The following DRAP1 variants were observed in gnomAD, a reference collection of about 807,000 sequenced individuals.
DRAP1 encodes the protein dr1-associated corepressor.
A neutral mutation model predicts 24.1 loss-of-function variants in DRAP1; 10 were observed. The ratio of observed to expected loss-of-function variants is 0.41; its 90% confidence interval spans 0.26 to 0.70. DRAP1 has a LOEUF of 0.70. Among genes scored for constraint, DRAP1 ranks in the 30% least tolerant of loss-of-function variants. DRAP1 has a pLI of 0.29. For missense variants in DRAP1, 264 were observed against 275.6 expected, an observed-to-expected ratio of 0.96 and a Z score of 0.30; for synonymous variants, 122 against 113.8, an observed-to-expected ratio of 1.07 and a Z score of -0.46.
In DRAP1 at chr11:65,919,936, G is replaced by T. The variant is rs774738852; in HGVS notation, c.116-12G>T. On this transcript the variant is annotated splice_polypyrimidine_tract_variant and intron_variant, in intron 2 of 6. Coordinates refer to ENST00000312515, the MANE Select transcript of DRAP1 (RefSeq NM_006442.4). ...CCTCTCCTGCCCCGGAGTTCTCCTT[G>T]ACGCTCCTCAGCCCGGGCGCTCGAG... 1 of 1,613,666 alleles carries T rather than the reference G, an allele frequency of 6.2e-7. No individual in the cohort carries two copies. The highest frequency in any genetic ancestry group is 1.3e-5 in the African/African-American group (1 of 74,942).
Position 65,920,963 on chromosome 11 carries a change from A to C in DRAP1, c.503A>C (p.His168Pro), listed in dbSNP as rs10143. 1.1e-4 allele frequency: 181 copies of C among 1,609,810 alleles called. No individual in the cohort carries two copies. The highest frequency in any genetic ancestry group is 1.5e-4 in the Non-Finnish European group (178 of 1,177,832). ...CCCCAGGCCAGCCACCCCTCTGCCC[A>C]CTTTCAGAGGTGAGCAGCCCAGAGG... is the stretch of plus-strand genomic sequence containing the variant. ...PPPQASHPSA[H>P]FQSPPTPFLP... Residue 168 changes from histidine (H) to proline (P), a missense_variant, in exon 6 of 7, where the codon CAC (histidine) becomes CCC (proline). His to Pro is a moderately conservative substitution (Grantham distance 77). This residue lies in a region of DRAP1 where 243 missense variants were observed against 233.6 expected (regional missense o/e 1.04). Coordinates refer to ENST00000312515, the MANE Select transcript of DRAP1 (RefSeq NM_006442.4).
chr11:65,920,919 G>T lies in DRAP1; in HGVS notation c.459G>T (p.Glu153Asp). The T allele has an allele frequency of 1.9e-6, 3 of 1,613,536 alleles. No individual in the cohort carries two copies. Among genetic ancestry groups the T allele is most frequent in the Non-Finnish European group, 2.5e-6 (3 of 1,179,728 alleles). The change falls in exon 6 of 7, where the codon GAG becomes GAT. Residue 153 changes from glutamate (E) to aspartate (D), a missense_variant. Coordinates refer to ENST00000312515, the MANE Select transcript of DRAP1 (RefSeq NM_006442.4). The part of the protein sequence containing the change: ...ESEDTDTDGE[E>D]ETSQPPPQAS... The stretch of plus-strand genomic sequence containing the variant: ...AGGACACAGATACTGATGGGGAAGA[G>T]GAGACATCACAACCCCCACCCCAGG...
In DRAP1 at chr11:65,920,953, C is replaced by T. The variant is rs1486498200; in HGVS notation, c.493C>T (p.Pro165Ser). Residue 165 changes from proline (P) to serine (S), a missense_variant, in exon 6 of 7, where the codon CCC becomes TCC. By Grantham distance (74) the Pro-to-Ser change is moderately conservative. Transcript: ENST00000312515. ...ACAACCCCCACCCCAGGCCAGCCAC[C>T]CCTCTGCCCACTTTCAGAGGTGAGC... ...TSQPPPQASH[P>S]SAHFQSPPTP... 13 of 1,611,982 alleles carry T rather than the reference C, an allele frequency of 8.1e-6. No homozygotes were observed. The highest frequency in any genetic ancestry group is 1.1e-5 in the South Asian group (1 of 90,808).
In DRAP1 at chr11:65,919,771, C is replaced by G. The variant is rs12576319; in HGVS notation, c.43-9C>G. On this transcript the variant is annotated splice_polypyrimidine_tract_variant and intron_variant, in intron 1 of 6. Transcript: ENST00000312515. ...CGACGGGGTCTGAACTCTGCTCCCC[C>G]ACCCGCAGGCGCGGATCAAGAAGAT... 1.9e-6 allele frequency: 3 copies of G among 1,613,004 alleles called. No homozygotes were observed. Among genetic ancestry groups the G allele is most frequent in the Non-Finnish European group, 2.5e-6 (3 of 1,179,942 alleles).
At chr11:65,920,828 C>G in intron 5 of DRAP1, 56 bp from the exon 6 acceptor site, 2 of 1,546,672 alleles carry the variant, frequency 1.3e-6, no homozygotes, top group Non-Finnish European at 1.8e-6. Context: ...CCCTGCCACT[C>G]CCAGTGATGG....
At position 65,920,455 on chromosome 11, in the gene DRAP1, G is replaced by A. The variant is rs760351628; in HGVS notation, c.322G>A (p.Ala108Thr). Residue 108 changes from alanine to threonine, a missense_variant, in exon 4 of 7, where the codon GCC becomes ACC. Physicochemically the swap from Ala to Thr is moderately conservative, Grantham distance 58. Coordinates refer to ENST00000312515, the MANE Select transcript of DRAP1 (RefSeq NM_006442.4). ...EDNHMDGDKG[A>T]RRGRKPGSGG... ...CAACCACATGGATGGGGACAAGGGC[G>A]CCCGCAGGTGGGGCCAGGGCCTGGC... The A allele has an allele frequency of 5.0e-6, 8 of 1,613,928 alleles. No individual in the cohort carries two copies. Among genetic ancestry groups the A allele is most frequent in the South Asian group, 3.3e-5 (3 of 91,088 alleles).
At chr11:65,920,157 C>T in intron 3 of DRAP1, 116 bp downstream of exon 3, 16 of 1,436,694 alleles carry the variant, frequency 1.1e-5, no homozygotes, top group Non-Finnish European at 1.3e-5. Context: ...ACCAGCAAGG[C>T]CACAGACTGG....
intron 3 of DRAP1, 109 bp downstream of exon 3, chr11:65,920,150 A>G: frequency 6.8e-7 from 1 of 1,459,866 alleles, no homozygotes; most frequent in Non-Finnish European, 9.4e-7. Flanking sequence ...CCGGGACACC[A>G]GCAAGGCCAC....
intron 6 of DRAP1, 38 bp downstream of exon 6, chr11:65,921,010 TC>T: frequency 7.3e-6 from 11 of 1,505,108 alleles, no homozygotes; most frequent in Non-Finnish European, 9.9e-6. Flanking sequence ...GCTGGCAGAC[TC>T]CCCAGAGCCA....
chr11:65,920,781 T>G (rs1168510467), intron 5 of DRAP1, 103 bp from the exon 6 acceptor site: 1 of 1,469,684 alleles, frequency 6.8e-7, no homozygotes, highest in Non-Finnish European at 9.2e-7. Flanking sequence ...GCTCACTGGT[T>G]TATTTGTAAA....
intron 6 of DRAP1, 79 bp from the exon 7 acceptor site, chr11:65,921,251 A>C: frequency 2.5e-6 from 2 of 798,460 alleles, no homozygotes; most frequent in Admixed American, 2.3e-5. Flanking sequence ...CAGATGGGGG[A>C]GGGAGGGTCT....
chr11:65,919,430 G>A lies in DRAP1; in HGVS notation c.-72G>A. 4 of 1,462,038 alleles carry A rather than the reference G, an allele frequency of 2.7e-6. No individual in the cohort carries two copies. The highest frequency in any genetic ancestry group is 2.8e-5 in the South Asian group (2 of 72,544). The allele number at this position is 1,462,038 out of a possible 1,614,324, so 90.6% of individuals were successfully genotyped here. A position where few individuals can be genotyped will look rare whatever the true frequency, so the allele number is the denominator to read the frequency against. ...CCCAGGGGAACCGCGACGGGCGGGC[G>A]GCGAGCAGGCCCGGGAGCCGGGAGG... is the stretch of plus-strand genomic sequence containing the variant. On this transcript the variant is annotated 5_prime_UTR_variant, in exon 1 of 7. Coordinates refer to ENST00000312515, the MANE Select transcript of DRAP1 (RefSeq NM_006442.4).
Position 65,920,345 on chromosome 11 carries a change from A to G in DRAP1, c.212A>G (p.Lys71Arg), listed in dbSNP as rs1230992913. ...NAKTMTTSHL[K>R]QCIELEQQFD... ...CAGCCCCTCCTCACCTCTTCCAGGA[A>G]GCAGTGCATCGAGCTGGAGCAGCAG... Residue 71 changes from lysine (K) to arginine (R), a missense_variant and splice_region_variant, in exon 4 of 7, where the codon AAG (lysine) becomes AGG (arginine). Coordinates refer to ENST00000312515, the MANE Select transcript of DRAP1 (RefSeq NM_006442.4). The G allele has an allele frequency of 5.0e-6, 8 of 1,613,918 alleles. No homozygotes were observed. The highest frequency in any genetic ancestry group is 6.8e-6 in the Non-Finnish European group (8 of 1,180,018).
At position 65,919,470 on chromosome 11, in the gene DRAP1, G is replaced by T; in HGVS notation, c.-32G>T. ...GAGCCGGGAGGCTGCGGGCGGCGGC[G>T]CTGGACCCGACGCGGCGAGAGAGGC... On this transcript the variant is annotated 5_prime_UTR_variant, in exon 1 of 7. Transcript: ENST00000312515. 1 of 1,531,112 alleles carries T rather than the reference G, an allele frequency of 6.5e-7. No individual in the cohort carries two copies. Among genetic ancestry groups the T allele is most frequent in the Non-Finnish European group, 8.8e-7 (1 of 1,139,700 alleles). 94.8% of individuals were successfully genotyped at this position (1,531,112 alleles called of 1,614,324 possible). A position where few individuals can be genotyped will look rare whatever the true frequency, so the allele number is the denominator to read the frequency against.
At chr11:65,920,840 T>G in intron 5 of DRAP1, 44 bp from the exon 6 acceptor site, 1 of 1,571,332 alleles carries the variant, frequency 6.4e-7, no homozygotes, top group Non-Finnish European at 8.7e-7. Flanking sequence ...CAGTGATGGG[T>G]TCGTGTCTTT....
Position 65,919,484 on chromosome 11 carries a change from G to T in DRAP1, c.-18G>T, listed in dbSNP as rs930474892. Reference sequence around the variant, plus strand: ...CGGGCGGCGGCGCTGGACCCGACGCGGCGAGAGAGGCCCCGAGATGCCGAG... The same window carrying T: ...CGGGCGGCGGCGCTGGACCCGACGCTGCGAGAGAGGCCCCGAGATGCCGAG... On this transcript the variant is annotated 5_prime_UTR_variant, in exon 1 of 7. Transcript: ENST00000312515. The T allele has an allele frequency of 2.6e-6, 4 of 1,534,562 alleles. No homozygotes were observed. Among genetic ancestry groups the T allele is most frequent in the Non-Finnish European group, 3.5e-6 (4 of 1,141,168 alleles).
Position 65,921,328 on chromosome 11 carries a change from AG to A in DRAP1, c.513-1del. ...GACTCTCTCCTGCCTTCTGCCCTGCAGCCCCCCGACACCCTTCCTGCCCTTC... is the reference window on the plus strand; with the variant it reads ...GACTCTCTCCTGCCTTCTGCCCTGCACCCCCCGACACCCTTCCTGCCCTTC... On this transcript the variant is annotated splice_acceptor_variant, in intron 6 of 6. Coordinates refer to ENST00000312515, the MANE Select transcript of DRAP1 (RefSeq NM_006442.4). LOFTEE classifies it high-confidence loss of function. 1 of 1,583,098 alleles carries A rather than the reference AG, an allele frequency of 6.3e-7. No individual in the cohort carries two copies. The highest frequency in any genetic ancestry group is 8.7e-7 in the Non-Finnish European group (1 of 1,153,318).
intron 6 of DRAP1, 153 bp from the exon 7 acceptor site, chr11:65,921,177 C>T: frequency 1.4e-6 from 1 of 689,896 alleles, no homozygotes; most frequent in Non-Finnish European, 2.4e-6. Context: ...GGGGCCTGGG[C>T]CTGCCCTGCG....
chr11:65,920,963 A>G lies in DRAP1; in HGVS notation c.503A>G (p.His168Arg). The G allele has an allele frequency of 6.8e-6, 11 of 1,609,940 alleles. No individual in the cohort carries two copies. The highest frequency in any genetic ancestry group is 9.3e-6 in the Non-Finnish European group (11 of 1,177,836). ...PPPQASHPSA[H>R]FQSPPTPFLP... ...CCCCAGGCCAGCCACCCCTCTGCCC[A>G]CTTTCAGAGGTGAGCAGCCCAGAGG... The change falls in exon 6 of 7, where the codon CAC becomes CGC. Residue 168 changes from histidine to arginine, a missense_variant. Physicochemically the swap from His to Arg is conservative, Grantham distance 29 (BLOSUM62 0). This residue lies in a region of DRAP1 where 243 missense variants were observed against 233.6 expected (regional missense o/e 1.04). Coordinates refer to ENST00000312515, the MANE Select transcript of DRAP1 (RefSeq NM_006442.4).
Sources: gnomAD v4.1 joint callset for allele counts on GRCh38, gnomAD v4.1.1 for gene constraint, gnomAD v4.1.1 regional missense constraint, MANE v1.5 for transcripts, NCBI Gene and HGNC (gene_info 2026-07-23, HGNC 2026-07-21) for gene names.